Variants in PPP3R1 observed in about 807,000 individuals in gnomAD.
PPP3R1 encodes the protein calcineurin subunit B type 1.
A neutral mutation model predicts 22.6 loss-of-function variants in PPP3R1; 5 were observed. The observed-to-expected ratio is 0.22, with a 90% CI of 0.12 to 0.46. PPP3R1 has a LOEUF of 0.46. Among genes scored for constraint, PPP3R1 ranks in the 20% least tolerant of loss-of-function variants. The pLI, the probability that PPP3R1 is intolerant of heterozygous loss-of-function variation, is 0.99. For missense variants in PPP3R1, 61 were observed against 203.2 expected (o/e 0.30, Z 4.25); for synonymous variants, 56 against 65.2 (o/e 0.86, Z 0.68).
intron 2 of PPP3R1, among the ~76,000 whole-genome samples, chr2:68,204,994 T>C (rs1302062591): frequency 6.6e-6 from 1 of 152,222 alleles, no homozygotes; most frequent in East Asian, 1.9e-4. Flanking sequence ...AATTAAATAA[T>C]TATTTCTTAT....
chr2:68,223,693 C>A (rs534401275), intron 1 of PPP3R1, among the ~76,000 whole-genome samples: 1 of 151,848 alleles, frequency 6.6e-6, no homozygotes, highest in Non-Finnish European at 1.5e-5. Flanking sequence ...AGGACTATTT[C>A]TCTATCTATA....
intron 3 of PPP3R1, 70 bp downstream of exon 3, chr2:68,188,444 T>G (rs1348611737): frequency 2.3e-6 from 3 of 1,285,694 alleles, no homozygotes; most frequent in Non-Finnish European, 3.1e-6. Context: ...TTTTTTTTTT[T>G]TTACACAGAG....
intron 5 of PPP3R1, among the ~76,000 whole-genome samples, 185 bp from the exon 6 acceptor site, chr2:68,181,195 C>T (rs898699560): frequency 1.3e-5 from 2 of 152,140 alleles, no homozygotes; most frequent in Non-Finnish European, 2.9e-5. Context: ...CGAGACCATC[C>T]TGGCTAACAC....
intron 1 of PPP3R1, 43 bp downstream of exon 1, chr2:68,252,082 C>T (rs1199448633): frequency 2.2e-6 from 3 of 1,395,202 alleles, no homozygotes; most frequent in Middle Eastern, 2.0e-4. Context: ...CGGACGGCGG[C>T]AGTAGGGGGA....
At position 68,183,168 on chromosome 2, in the gene PPP3R1, A is replaced by G. The variant is rs547276861; in HGVS notation, c.466-2158T>C. Among the ~76,000 whole-genome samples the G allele has an allele frequency of 1.4e-4, 22 of 152,322 alleles. 1 individual carries two copies. The highest frequency in any genetic ancestry group is 4.8e-4 in the African/African-American group (20 of 41,566). ...AAAATGAGAAGGCCTTACATACCTA[A>G]AAGTGTCTTTCTACTACCATTTGAG... On this transcript the variant is annotated intron_variant, in intron 5 of 5. Coordinates refer to ENST00000234310, the MANE Select transcript of PPP3R1 (RefSeq NM_000945.4).
At chr2:68,203,812 C>T (rs947271128) in intron 2 of PPP3R1, among the ~76,000 whole-genome samples, 34 of 152,156 alleles carry the variant, frequency 2.2e-4, no homozygotes, top group Admixed American at 1.2e-3. Context: ...AAACTGTTTA[C>T]TAAAAACAGA....
intron 2 of PPP3R1, among the ~76,000 whole-genome samples, chr2:68,192,075 A>C (rs1379487976): frequency 6.6e-6 from 1 of 152,180 alleles, no homozygotes; most frequent in African/African-American, 2.4e-5. Context: ...CAAATGTAAA[A>C]CTTATTGATT....
intron 2 of PPP3R1, among the ~76,000 whole-genome samples, chr2:68,198,323 A>G (rs1170187277): frequency 1.4e-5 from 2 of 141,842 alleles, no homozygotes; most frequent in African/African-American, 2.7e-5. Context: ...ATATGTATAT[A>G]CATATGTACA....
chr2:68,191,025 T>C (rs1674656279), intron 2 of PPP3R1, among the ~76,000 whole-genome samples: 1 of 152,250 alleles, frequency 6.6e-6, no homozygotes, highest in Admixed American at 6.5e-5. Flanking sequence ...ACTCTATCCA[T>C]ATTTTTCCCA....
rs139438477 is a variant in PPP3R1 at position 68,252,080 on chromosome 2, G to A, written c.3+45C>T. The A allele has an allele frequency of 7.1e-3, 9,837 of 1,389,516 alleles. 603 individuals are homozygous for A. The African/African-American group carries it at 0.13, about 19-fold the overall frequency. The allele number at this position is 1,389,516 out of a possible 1,614,324, so 86.1% of individuals were successfully genotyped here. A position where few individuals can be genotyped will look rare whatever the true frequency, so the allele number is the denominator to read the frequency against. ...CGCCCCCGCACCCGACCCGGACGGC[G>A]GCAGTAGGGGGAGGGATGGTGCATC... On this transcript the variant is annotated intron_variant, in intron 1 of 5. Coordinates refer to ENST00000234310, the MANE Select transcript of PPP3R1 (RefSeq NM_000945.4).
chr2:68,191,349 G>A (rs1674664663), intron 2 of PPP3R1, among the ~76,000 whole-genome samples: 1 of 152,200 alleles, frequency 6.6e-6, no homozygotes, highest in South Asian at 2.1e-4. Context: ...GTAACACAAT[G>A]CTAAATATCT....
At chr2:68,212,343 A>G (rs1476008917) in intron 2 of PPP3R1, among the ~76,000 whole-genome samples, 6 of 152,204 alleles carry the variant, frequency 3.9e-5, no homozygotes, top group African/African-American at 1.4e-4. Context: ...GGCCTCCGAA[A>G]GTGCTAGGAT....
At chr2:68,242,941 A>C (rs1273997182) in intron 1 of PPP3R1, among the ~76,000 whole-genome samples, 1 of 152,222 alleles carries the variant, frequency 6.6e-6, no homozygotes, top group Non-Finnish European at 1.5e-5. Context: ...TAATTCTAAC[A>C]TAAAAATAAA....
intron 2 of PPP3R1, among the ~76,000 whole-genome samples, chr2:68,214,875 T>C (rs1003586684): frequency 2.6e-5 from 4 of 152,116 alleles, no homozygotes; most frequent in African/African-American, 9.7e-5. Context: ...AGCAAAGATA[T>C]GGAATAAACC....
intron 2 of PPP3R1, among the ~76,000 whole-genome samples, chr2:68,193,869 C>A (rs1674716556): frequency 6.6e-6 from 1 of 152,066 alleles, no homozygotes; most frequent in Non-Finnish European, 1.5e-5. Flanking sequence ...TACTGAAGAA[C>A]AAATTCTAAC....
intron 1 of PPP3R1, among the ~76,000 whole-genome samples, chr2:68,229,073 T>C (rs1189320040): frequency 6.6e-6 from 1 of 152,106 alleles, no homozygotes; most frequent in Non-Finnish European, 1.5e-5. Context: ...AGCTTGAGTG[T>C]AGTGGCATGA....
intron 2 of PPP3R1, among the ~76,000 whole-genome samples, chr2:68,210,777 C>T (rs1260418024): frequency 1.3e-5 from 2 of 152,140 alleles, no homozygotes; most frequent in Admixed American, 6.5e-5. Flanking sequence ...TACAGTTTGG[C>T]CATCCCAAAT....
At chr2:68,207,936 G>T (rs768826068) in intron 2 of PPP3R1, among the ~76,000 whole-genome samples, 2 of 152,150 alleles carry the variant, frequency 1.3e-5, no homozygotes, top group East Asian at 3.9e-4. Context: ...CAGGCGGCTC[G>T]CCTGGGATCA....
At chr2:68,193,974 T>A (rs1285136777) in intron 2 of PPP3R1, among the ~76,000 whole-genome samples, 1 of 152,098 alleles carries the variant, frequency 6.6e-6, no homozygotes, top group African/African-American at 2.4e-5. Context: ...AACCTCACCC[T>A]CTTGACTCAT....
Sources: allele counts gnomAD v4.1 joint callset (sites outside exome capture counted in the v4.1 genomes callset), GRCh38; gene constraint gnomAD v4.1.1; transcripts MANE v1.5; gene names NCBI Gene and HGNC (gene_info 2026-07-23, HGNC 2026-07-21).